Variants in PDE1C observed in about 807,000 individuals in gnomAD.
PDE1C encodes dual specificity calcium/calmodulin-dependent 3',5'-cyclic nucleotide phosphodiesterase 1C.
PDE1C carries 62 observed loss-of-function variants against 93.1 expected under a neutral mutation model. The ratio of observed to expected loss-of-function variants is 0.67; its 90% CI spans 0.54 to 0.82. The LOEUF is 0.82. Among genes scored for constraint, PDE1C ranks in the 40% least tolerant of loss-of-function variants. PDE1C has a pLI of 0.00. For synonymous variants in PDE1C, 325 were observed against 310.1 expected (o/e 1.05, Z -0.50); for missense variants, 742 against 884.6 (o/e 0.84, Z 2.04).
chr7:32,111,370 C>A (rs1418463378), intron 3 of PDE1C, among the ~76,000 whole-genome samples: 1 of 152,110 alleles, frequency 6.6e-6, no homozygotes, highest in African/African-American at 2.4e-5. Context: ...GTACCACATT[C>A]ATAGCATTTT....
upstream of PDE1C, among the ~76,000 whole-genome samples, chr7:32,075,264 G>A (rs1475345327): frequency 6.6e-6 from 1 of 152,220 alleles, no homozygotes; most frequent in African/African-American, 2.4e-5. Flanking sequence ...TGACCTCCAT[G>A]AAGCCAGCCT....
At chr7:31,770,740 C>A (rs947699844) in intron 17 of PDE1C, among the ~76,000 whole-genome samples, 2 of 152,158 alleles carry the variant, frequency 1.3e-5, no homozygotes, top group East Asian at 1.9e-4. Flanking sequence ...GAACTCCTGA[C>A]CTCAAATGAT....
At chr7:32,173,391 G>A (rs1019351013) in intron 2 of PDE1C, among the ~76,000 whole-genome samples, 28 of 151,882 alleles carry the variant, frequency 1.8e-4, no homozygotes, top group Middle Eastern at 3.2e-3. Context: ...GGAGCTTACA[G>A]GACGGGTCAA....
At chr7:31,743,924 T>A in the PDE1C span, among the ~76,000 whole-genome samples, 1 of 152,034 alleles carries the variant, frequency 6.6e-6, no homozygotes. Flanking sequence ...CAGGCTCAAG[T>A]GGGCACTCCA....
At chr7:32,192,007 A>G (rs553655820) in intron 2 of PDE1C, among the ~76,000 whole-genome samples, 1 of 152,054 alleles carries the variant, frequency 6.6e-6, no homozygotes, top group Non-Finnish European at 1.5e-5. Context: ...TGCCATCGGT[A>G]TATTTTCTCT....
chr7:31,657,599 G>A, the PDE1C span, among the ~76,000 whole-genome samples: 1 of 152,062 alleles, frequency 6.6e-6, no homozygotes, highest in Non-Finnish European at 1.5e-5. Context: ...AAGAATAATG[G>A]CAAGAGCCCT....
chr7:31,821,332 G>T (rs78124309), intron 14 of PDE1C, among the ~76,000 whole-genome samples: 1 of 151,820 alleles, frequency 6.6e-6, no homozygotes, highest in African/African-American at 2.4e-5. Flanking sequence ...CTTTTTAAAG[G>T]GCCAGTTTTC....
intron 7 of PDE1C, among the ~76,000 whole-genome samples, chr7:31,854,321 C>A (rs986235517): frequency 6.6e-6 from 1 of 152,110 alleles, no homozygotes; most frequent in Admixed American, 6.5e-5. Context: ...TTCCTTGCCT[C>A]TTCCAAATTA....
chr7:31,698,602 C>T, the PDE1C span, among the ~76,000 whole-genome samples: 1 of 152,202 alleles, frequency 6.6e-6, no homozygotes, highest in African/African-American at 2.4e-5. Flanking sequence ...AATCTTCAAA[C>T]TGTCTTCATT....
At chr7:32,275,452 G>A (rs1269956020) in intron 1 of PDE1C, among the ~76,000 whole-genome samples, 1 of 152,038 alleles carries the variant, frequency 6.6e-6, no homozygotes, top group Non-Finnish European at 1.5e-5. Flanking sequence ...CTCTCTCCAT[G>A]GCCTATACTT....
At chr7:31,865,117 C>T (rs370416955) in intron 6 of PDE1C, 35 bp from the exon 7 acceptor site, 2 of 1,612,056 alleles carry the variant, frequency 1.2e-6, no homozygotes, top group Admixed American at 1.7e-5. Context: ...TAACTAGTGA[C>T]TTCACTGCTT....
At chr7:32,170,224 C>T (rs1802555852) in intron 2 of PDE1C, among the ~76,000 whole-genome samples, 1 of 152,050 alleles carries the variant, frequency 6.6e-6, no homozygotes, top group South Asian at 2.1e-4. Context: ...CCTGACAGAG[C>T]CACAGGTATC....
At chr7:32,107,151 A>C (rs1228907368) in intron 3 of PDE1C, among the ~76,000 whole-genome samples, 1 of 37,972 alleles carries the variant, frequency 2.6e-5, no homozygotes, top group Non-Finnish European at 1.4e-4. Flanking sequence ...AATGTAAAGA[A>C]AAAAAAAAAG....
chr7:31,627,300 T>A, the PDE1C span, among the ~76,000 whole-genome samples: 5 of 152,132 alleles, frequency 3.3e-5, no homozygotes, highest in African/African-American at 1.2e-4. Flanking sequence ...CAGTAAAAAG[T>A]AATATTGGGG....
intron 2 of PDE1C, among the ~76,000 whole-genome samples, chr7:31,898,988 T>A (rs779129650): frequency 2.4e-4 from 37 of 152,136 alleles, no homozygotes; most frequent in Non-Finnish European, 4.4e-4. Flanking sequence ...ATATTTCTAA[T>A]ATAAAAGAGT....
At chr7:31,984,321 A>G (rs1045812712) in intron 2 of PDE1C, among the ~76,000 whole-genome samples, 4 of 152,134 alleles carry the variant, frequency 2.6e-5, no homozygotes, top group African/African-American at 9.7e-5. Context: ...ATGAGATTCT[A>G]ATGCCTGATG....
chr7:32,143,725 C>T (rs1264599325), intron 3 of PDE1C, among the ~76,000 whole-genome samples: 1 of 152,118 alleles, frequency 6.6e-6, no homozygotes, highest in African/African-American at 2.4e-5. Flanking sequence ...TCTATCTTTC[C>T]TCCTTTTATT....
chr7:32,211,799 A>C (rs1485074552), intron 1 of PDE1C, among the ~76,000 whole-genome samples: 1 of 151,970 alleles, frequency 6.6e-6, no homozygotes, highest in Non-Finnish European at 1.5e-5. Context: ...AGGCAGGAGG[A>C]ACACTTGAGC....
intron 16 of PDE1C, among the ~76,000 whole-genome samples, chr7:31,792,380 A>C (rs1784685955): frequency 6.6e-6 from 1 of 152,108 alleles, no homozygotes; most frequent in African/African-American, 2.4e-5. Flanking sequence ...GAATTGAATA[A>C]GCATGAGGAG....
Sources: gnomAD v4.1 joint callset for allele counts (sites outside exome capture counted in the v4.1 genomes callset) on GRCh38, gnomAD v4.1.1 for gene constraint, MANE v1.5 for transcripts, NCBI Gene and HGNC (gene_info 2026-07-23, HGNC 2026-07-21) for gene names.